Variants in PBX3 observed in about 807,000 individuals in gnomAD.
PBX3 encodes pre-B-cell leukemia transcription factor 3.
PBX3 carries 14 observed loss-of-function variants against 48.5 expected under a neutral mutation model. The ratio of observed to expected loss-of-function variants is 0.29; its 90% CI spans 0.19 to 0.45. The LOEUF is 0.45. PBX3 is among the 20% of genes least tolerant of loss of function. PBX3 has a pLI of 1.00. For missense variants in PBX3, 386 were observed against 546.7 expected, an observed-to-expected ratio of 0.71 and a Z score of 2.93; for synonymous variants, 210 against 200.3, an observed-to-expected ratio of 1.05 and a Z score of -0.41.
At chr9:125,818,239 A>G (rs753004702) in intron 2 of PBX3, among the ~76,000 whole-genome samples, 1 of 151,952 alleles carries the variant, frequency 6.6e-6, no homozygotes. Context: ...AACCAGATAT[A>G]GTATTACCAG....
chr9:125,813,603 C>T (rs1186442869), intron 2 of PBX3, among the ~76,000 whole-genome samples: 2 of 152,162 alleles, frequency 1.3e-5, no homozygotes, highest in Non-Finnish European at 2.9e-5. Flanking sequence ...AATGAGAGCC[C>T]TTCAGGCTGT....
chr9:125,829,585 G>A (rs1838900946), intron 2 of PBX3, among the ~76,000 whole-genome samples: 1 of 152,158 alleles, frequency 6.6e-6, no homozygotes, highest in African/African-American at 2.4e-5. Context: ...AGATGAGTAT[G>A]TGCTTCATTT....
chr9:125,896,568 A>C (rs1840773140), intron 2 of PBX3, among the ~76,000 whole-genome samples: 1 of 152,090 alleles, frequency 6.6e-6, no homozygotes, highest in East Asian at 1.9e-4. Flanking sequence ...CTGATTTGAT[A>C]CTCGTAAAAC....
chr9:125,921,791 C>A (rs1004385395), intron 3 of PBX3, among the ~76,000 whole-genome samples: 2 of 152,010 alleles, frequency 1.3e-5, no homozygotes, highest in African/African-American at 4.8e-5. Context: ...GTGAGGCTGG[C>A]GAGACATTTG....
intron 2 of PBX3, among the ~76,000 whole-genome samples, chr9:125,792,116 G>A (rs1023059390): frequency 6.6e-6 from 1 of 151,944 alleles, no homozygotes; most frequent in Non-Finnish European, 1.5e-5. Context: ...GATCAAATCT[G>A]TAGACTCTTA....
chr9:125,917,531 C>T (rs181788431), intron 3 of PBX3, among the ~76,000 whole-genome samples: 2 of 152,244 alleles, frequency 1.3e-5, no homozygotes, highest in African/African-American at 4.8e-5. Context: ...TGCTATTCAT[C>T]CCTCTCTTCT....
At chr9:125,884,634 C>A (rs764651950) in intron 2 of PBX3, among the ~76,000 whole-genome samples, 11 of 152,294 alleles carry the variant, frequency 7.2e-5, no homozygotes, top group East Asian at 1.9e-4. Flanking sequence ...TGACTACATT[C>A]TCCAAATGTA....
intron 2 of PBX3, among the ~76,000 whole-genome samples, chr9:125,808,247 T>C (rs2132117382): frequency 6.6e-6 from 1 of 152,332 alleles, no homozygotes; most frequent in South Asian, 2.1e-4. Context: ...ATAGGACGTA[T>C]AGTGTGAAAA....
chr9:125,957,553 C>A (rs975659048), intron 5 of PBX3, among the ~76,000 whole-genome samples: 14 of 152,282 alleles, frequency 9.2e-5, no homozygotes, highest in Admixed American at 2.0e-4. Context: ...TCTTACATAT[C>A]TAGAGATGAG....
At chr9:125,964,354 T>C (rs1842488895) in intron 8 of PBX3, among the ~76,000 whole-genome samples, 1 of 152,202 alleles carries the variant, frequency 6.6e-6, no homozygotes, top group Non-Finnish European at 1.5e-5. Context: ...GACTTGTATC[T>C]GTGTGAGAGT....
chr9:125,867,730 G>A (rs975306849), intron 2 of PBX3, among the ~76,000 whole-genome samples: 1 of 149,192 alleles, frequency 6.7e-6, no homozygotes, highest in African/African-American at 2.5e-5. Flanking sequence ...AATGATGATT[G>A]TCTTTCTGTC....
chr9:125,965,166 T>C (rs1842505498), intron 8 of PBX3, among the ~76,000 whole-genome samples: 1 of 152,232 alleles, frequency 6.6e-6, no homozygotes. Flanking sequence ...GCAAATTTGT[T>C]TCTGAGTACG....
At chr9:125,822,994 A>C (rs1460821729) in intron 2 of PBX3, among the ~76,000 whole-genome samples, 2 of 152,058 alleles carry the variant, frequency 1.3e-5, no homozygotes, top group Non-Finnish European at 2.9e-5. Flanking sequence ...AAAAAAAAAA[A>C]AAAGATGTGA....
At chr9:125,937,810 G>A (rs145818405) in intron 5 of PBX3, among the ~76,000 whole-genome samples, 3 of 152,088 alleles carry the variant, frequency 2.0e-5, no homozygotes, top group Non-Finnish European at 2.9e-5. Context: ...CTACAGGCAC[G>A]CCACCACACC....
intron 2 of PBX3, among the ~76,000 whole-genome samples, chr9:125,770,404 A>G (rs1160967870): frequency 6.6e-6 from 1 of 152,196 alleles, no homozygotes; most frequent in Non-Finnish European, 1.5e-5. Flanking sequence ...TTGAAGGGGA[A>G]TATAGTACTT....
In PBX3 at chr9:125,915,813, A is replaced by G. The variant is rs948289807; in HGVS notation, c.402A>G (p.Ala134=). 6.2e-7 allele frequency: 1 copy of G among 1,613,544 alleles called. No individual in the cohort carries two copies. The highest frequency in any genetic ancestry group is 2.2e-5 in the East Asian group (1 of 44,858). Residue 134 remains alanine (A), a synonymous_variant, in exon 3 of 9, where the codon GCA becomes GCG. Coordinates refer to ENST00000373489, the MANE Select transcript of PBX3 (RefSeq NM_006195.6). Reference sequence around the variant, plus strand: ...GTGGGGGATCGGCGGCAGCAGCTGCAGCCGCGGCAGCCTCTGGAGGTTCTT... The same window carrying G: ...GTGGGGGATCGGCGGCAGCAGCTGCGGCCGCGGCAGCCTCTGGAGGTTCTT... The part of the protein sequence containing the change: ...EKGGGSAAAA[A]AAAASGGSSD...
intron 2 of PBX3, among the ~76,000 whole-genome samples, chr9:125,879,981 T>A (rs1010097733): frequency 1.3e-5 from 2 of 152,236 alleles, no homozygotes; most frequent in African/African-American, 4.8e-5. Flanking sequence ...AAGCTCTTTG[T>A]AAGCTATAAA....
In PBX3 at chr9:125,747,516, G is replaced by C. The variant is rs1356678662; in HGVS notation, c.63G>C (p.Val21=). The C allele has an allele frequency of 6.3e-7, 1 of 1,599,666 alleles. No homozygotes were observed. Among genetic ancestry groups the C allele is most frequent in the Admixed American group, 1.7e-5 (1 of 58,840 alleles). Residue 21 remains valine (V), a synonymous_variant, in exon 1 of 9, where the codon GTG becomes GTC. Coordinates refer to ENST00000373489, the MANE Select transcript of PBX3 (RefSeq NM_006195.6). ...GGGTGAACCTGGCTGGCCACTCGGT[G>C]CAGGGGGGCATGGCCCTGCCGCCTC... ...LAGVNLAGHS[V]QGGMALPPPP... is the part of the protein sequence containing the mutation.
At chr9:125,815,691 T>TGG (rs981711018) in intron 2 of PBX3, among the ~76,000 whole-genome samples, 2 of 23,556 alleles carry the variant, frequency 8.5e-5, no homozygotes, top group Non-Finnish European at 1.4e-4. Context: ...TTGCAGTGAC[T>TGG]GGGTGTGTGT....
Sources: gnomAD v4.1 joint callset for allele counts (sites outside exome capture counted in the v4.1 genomes callset) on GRCh38, gnomAD v4.1.1 for gene constraint, MANE v1.5 for transcripts, NCBI Gene and HGNC (gene_info 2026-07-23, HGNC 2026-07-21) for gene names.